Variants in NTRK3 observed in about 807,000 individuals in gnomAD.
NTRK3 encodes neurotrophic receptor tyrosine kinase 3.
NTRK3 carries 24 observed loss-of-function variants against 91.7 expected under a neutral mutation model. The ratio of observed to expected loss-of-function variants is 0.26; its 90% CI spans 0.19 to 0.37. The LOEUF is 0.37. Ranked by LOEUF, NTRK3 falls within the 10% of genes least tolerant of loss-of-function variation. The pLI is 1.00. For synonymous variants in NTRK3, 483 were observed against 404.0 expected, an observed-to-expected ratio of 1.20 and a Z score of -2.34; for missense variants, 880 against 1,068.9, an observed-to-expected ratio of 0.82 and a Z score of 2.46.
intron 14 of NTRK3, among the ~76,000 whole-genome samples, chr15:87,943,211 C>G (rs780336898): frequency 2.0e-5 from 3 of 152,154 alleles, no homozygotes; most frequent in Non-Finnish European, 2.9e-5. Flanking sequence ...CACCAGAACA[C>G]GGCTTCTTTG....
intron 16 of NTRK3, among the ~76,000 whole-genome samples, chr15:87,932,372 C>T (rs1292726070): frequency 6.6e-6 from 1 of 152,326 alleles, no homozygotes; most frequent in African/African-American, 2.4e-5. Context: ...AATATGGCTA[C>T]TGCAACCAAG....
At chr15:88,181,995 G>T (rs1189732970) in intron 5 of NTRK3, among the ~76,000 whole-genome samples, 1 of 152,112 alleles carries the variant, frequency 6.6e-6, no homozygotes, top group African/African-American at 2.4e-5. Flanking sequence ...GGAACATCTG[G>T]TCCAAGACCC....
At chr15:88,067,018 C>A (rs1328990448) in intron 13 of NTRK3, among the ~76,000 whole-genome samples, 5 of 152,204 alleles carry the variant, frequency 3.3e-5, no homozygotes, top group Admixed American at 3.3e-4. Flanking sequence ...GGTCTGCCTT[C>A]ATCATCCCCC....
At chr15:88,078,400 A>G (rs1377521923) in intron 13 of NTRK3, among the ~76,000 whole-genome samples, 1 of 152,240 alleles carries the variant, frequency 6.6e-6, no homozygotes, top group East Asian at 1.9e-4. Flanking sequence ...TCACGCCTGT[A>G]ATCCCGGCAC....
chr15:88,044,460 A>G (rs900853638), intron 13 of NTRK3, among the ~76,000 whole-genome samples: 2 of 151,470 alleles, frequency 1.3e-5, no homozygotes, highest in African/African-American at 4.9e-5. Flanking sequence ...ACAGGGTTTC[A>G]CTGTGTTGGC....
chr15:88,102,808 G>A (rs1050564314), intron 13 of NTRK3, among the ~76,000 whole-genome samples: 4 of 152,048 alleles, frequency 2.6e-5, no homozygotes, highest in Non-Finnish European at 4.4e-5. Flanking sequence ...CTACCAAGAG[G>A]ATCACCTTCC....
At chr15:88,129,780 A>G (rs770817510) in intron 10 of NTRK3, among the ~76,000 whole-genome samples, 3 of 152,184 alleles carry the variant, frequency 2.0e-5, no homozygotes. Flanking sequence ...CAACAAAACA[A>G]TGATAGTCCT....
At chr15:88,254,241 A>T (rs150479637) in intron 3 of NTRK3, among the ~76,000 whole-genome samples, 1 of 152,032 alleles carries the variant, frequency 6.6e-6, no homozygotes, top group African/African-American at 2.4e-5. Context: ...CCAGCAATGC[A>T]CTTCCAAGTC....
chr15:88,081,619 G>A (rs1047834381), intron 13 of NTRK3, among the ~76,000 whole-genome samples: 1 of 152,204 alleles, frequency 6.6e-6, no homozygotes, highest in Non-Finnish European at 1.5e-5. Flanking sequence ...AAGGGTAGGA[G>A]GCAAGGGCTG....
chr15:88,033,215 T>TATATATATAA (rs1491311337), intron 13 of NTRK3, among the ~76,000 whole-genome samples, 170 bp from the exon 14 acceptor site: 12 of 126,738 alleles, frequency 9.5e-5, no homozygotes, highest in Non-Finnish European at 1.2e-4. Flanking sequence ...TATATATATA[T>TATATATATAA]AAATTCAGTT....
At chr15:87,987,829 A>G (rs2074955656) in intron 14 of NTRK3, among the ~76,000 whole-genome samples, 2 of 151,766 alleles carry the variant, frequency 1.3e-5, no homozygotes, top group Non-Finnish European at 2.9e-5. Context: ...CGTGGCCGAG[A>G]TCGTGACACT....
chr15:88,056,204 T>TATATATATATATATATATATATA (rs377120482), intron 13 of NTRK3, among the ~76,000 whole-genome samples: 4 of 95,228 alleles, frequency 4.2e-5, no homozygotes, highest in Admixed American at 9.6e-5. Context: ...ATATATATAT[T>TATATATATATATATATATATATA]TTTTTTTTAA....
intron 15 of NTRK3, among the ~76,000 whole-genome samples, chr15:87,938,638 A>G (rs2069518493): frequency 6.6e-6 from 1 of 152,182 alleles, no homozygotes; most frequent in Non-Finnish European, 1.5e-5. Context: ...TCGGGGAAAC[A>G]TTTCCTAGGG....
intron 17 of NTRK3, among the ~76,000 whole-genome samples, chr15:87,915,176 A>C (rs918125887): frequency 3.3e-5 from 5 of 152,250 alleles, no homozygotes; most frequent in African/African-American, 1.2e-4. Context: ...TTGCACATCC[A>C]TTATGCATAT....
At chr15:87,991,761 T>G (rs1410851792) in intron 14 of NTRK3, among the ~76,000 whole-genome samples, 1 of 152,204 alleles carries the variant, frequency 6.6e-6, no homozygotes, top group African/African-American at 2.4e-5. Flanking sequence ...GAATATCTCA[T>G]GAACACATTC....
chr15:87,892,793 G>T (rs1057161442), intron 17 of NTRK3, among the ~76,000 whole-genome samples: 1 of 152,096 alleles, frequency 6.6e-6, no homozygotes, highest in African/African-American at 2.4e-5. Flanking sequence ...AGGATTTCAT[G>T]CATAAAAATA....
intron 14 of NTRK3, among the ~76,000 whole-genome samples, chr15:87,946,771 C>A (rs1433172835): frequency 6.6e-6 from 1 of 152,056 alleles, no homozygotes; most frequent in Admixed American, 6.6e-5. Context: ...TCCCTCTGTG[C>A]CCTTATTAAT....
intron 5 of NTRK3, among the ~76,000 whole-genome samples, chr15:88,162,704 T>C (rs1259802587): frequency 1.3e-5 from 2 of 152,214 alleles, no homozygotes; most frequent in Non-Finnish European, 2.9e-5. Flanking sequence ...GATAGCAAAC[T>C]CATCCAAGGA....
At chr15:88,236,068 A>T (rs2051697894) in intron 3 of NTRK3, among the ~76,000 whole-genome samples, 1 of 152,236 alleles carries the variant, frequency 6.6e-6, no homozygotes, top group South Asian at 2.1e-4. Flanking sequence ...TAAATTTATC[A>T]GACATCCCAG....
Sources: gnomAD v4.1 joint callset for allele counts (sites outside exome capture counted in the v4.1 genomes callset) on GRCh38, gnomAD v4.1.1 for gene constraint, MANE v1.5 for transcripts, NCBI Gene and HGNC (gene_info 2026-07-23, HGNC 2026-07-21) for gene names.